SOX6: variants seen among roughly 807,000 people sequenced by gnomAD.
The protein encoded by SOX6 is transcription factor SOX-6.
Under a neutral mutation model 97.8 loss-of-function variants are expected in SOX6, and 11 were observed. The observed-to-expected ratio is 0.11, with a 90% CI of 0.07 to 0.19. The LOEUF is 0.19. SOX6 is among the 10% of genes least tolerant of loss of function. SOX6 has a pLI of 1.00. For missense variants in SOX6, 810 were observed against 1,039.5 expected, an observed-to-expected ratio of 0.78 and a Z score of 3.04; for synonymous variants, 360 against 371.4, an observed-to-expected ratio of 0.97 and a Z score of 0.35.
At chr11:16,198,863 G>A (rs1201351345) in intron 4 of SOX6, among the ~76,000 whole-genome samples, 8 of 152,172 alleles carry the variant, frequency 5.3e-5, no homozygotes, top group Non-Finnish European at 4.4e-5. Context: ...AATTAGGTAA[G>A]AATCTACTCT....
At chr11:16,354,246 G>T (rs1363597964) in intron 1 of SOX6, among the ~76,000 whole-genome samples, 1 of 151,898 alleles carries the variant, frequency 6.6e-6, no homozygotes, top group Non-Finnish European at 1.5e-5. Context: ...CAAATACCTG[G>T]TATTTGGTAG....
At chr11:16,561,964 C>G (rs529238165) in intron 4 of SOX6, among the ~76,000 whole-genome samples, 1 of 152,034 alleles carries the variant, frequency 6.6e-6, no homozygotes, top group East Asian at 1.9e-4. Flanking sequence ...TGACCTCAAA[C>G]TATCCACCCG....
At chr11:16,614,310 A>G (rs552407314) in intron 3 of SOX6, among the ~76,000 whole-genome samples, 24 of 152,256 alleles carry the variant, frequency 1.6e-4, no homozygotes, top group African/African-American at 5.8e-4. Context: ...CCTTCGGAAC[A>G]GTAGACAAAG....
chr11:16,328,269 T>C (rs1043262015), intron 2 of SOX6, among the ~76,000 whole-genome samples: 39 of 152,292 alleles, frequency 2.6e-4, no homozygotes, highest in Non-Finnish European at 4.7e-4. Context: ...GTATATATTC[T>C]CCTTCATTAA....
At chr11:15,993,363 T>G (rs1001355290) in intron 13 of SOX6, among the ~76,000 whole-genome samples, 1 of 152,190 alleles carries the variant, frequency 6.6e-6, no homozygotes, top group Non-Finnish European at 1.5e-5. Flanking sequence ...AATCCAGAAC[T>G]TGGAATGGCT....
chr11:16,225,488 A>AC (rs1444392317), intron 4 of SOX6, among the ~76,000 whole-genome samples: 1 of 151,938 alleles, frequency 6.6e-6, no homozygotes, highest in African/African-American at 2.4e-5. Flanking sequence ...CAAAAAAAAA[A>AC]AAAAAACAGA....
At chr11:16,001,460 T>C (rs933120941) in intron 13 of SOX6, among the ~76,000 whole-genome samples, 1 of 152,156 alleles carries the variant, frequency 6.6e-6, no homozygotes, top group Non-Finnish European at 1.5e-5. Context: ...GCTGGTAATA[T>C]GAAGCAGAGC....
At chr11:16,055,509 G>T (rs533065967) in intron 10 of SOX6, among the ~76,000 whole-genome samples, 42 of 152,214 alleles carry the variant, frequency 2.8e-4, no homozygotes, top group African/African-American at 9.9e-4. Context: ...AGAATCCAAA[G>T]GGGGAAAACT....
At chr11:16,582,263 T>C (rs1192817340) in intron 4 of SOX6, among the ~76,000 whole-genome samples, 1 of 152,170 alleles carries the variant, frequency 6.6e-6, no homozygotes, top group Non-Finnish European at 1.5e-5. Context: ...CATCACACAA[T>C]CTATCTTCAT....
chr11:16,692,616 G>C (rs1202518780), intron 3 of SOX6, among the ~76,000 whole-genome samples: 2 of 152,240 alleles, frequency 1.3e-5, no homozygotes, highest in Non-Finnish European at 2.9e-5. Context: ...CTTGGAGTCT[G>C]AAAAATCACT....
upstream of SOX6, among the ~76,000 whole-genome samples, chr11:16,476,732 T>C (rs1590217641): frequency 1.3e-5 from 2 of 152,350 alleles, no homozygotes; most frequent in Admixed American, 1.3e-4. Context: ...ATTTAATTTA[T>C]GTCTGCAAGT....
chr11:16,427,126 G>A (rs925969528), intron 1 of SOX6, among the ~76,000 whole-genome samples: 2 of 151,846 alleles, frequency 1.3e-5, no homozygotes, highest in Non-Finnish European at 2.9e-5. Context: ...TGACAAATGG[G>A]ATCTAATTAA....
chr11:16,257,878 T>TA (rs1239835801), intron 3 of SOX6, among the ~76,000 whole-genome samples: 5 of 151,392 alleles, frequency 3.3e-5, no homozygotes, highest in Non-Finnish European at 7.4e-5. Context: ...ACAATCCAAT[T>TA]AAAAAATGGT....
chr11:16,632,939 C>G (rs1458993407), intron 3 of SOX6, among the ~76,000 whole-genome samples: 1 of 152,172 alleles, frequency 6.6e-6, no homozygotes, highest in Non-Finnish European at 1.5e-5. Context: ...TTCCCTGCAC[C>G]AGGATCTCTG....
At chr11:16,360,860 G>A (rs758240232), upstream of SOX6, among the ~76,000 whole-genome samples, 8 of 151,836 alleles carry the variant, frequency 5.3e-5, no homozygotes, top group Non-Finnish European at 1.0e-4. Flanking sequence ...AAAGTTGGCC[G>A]GGCATGGTGG....
Position 16,727,062 on chromosome 11 carries a change from G to T in SOX6, n.353+9277C>A, listed in dbSNP as rs115083407. Among the ~76,000 whole-genome samples the T allele has an allele frequency of 6.9e-3, 1,057 of 152,120 alleles. 14 individuals carry two copies. The highest frequency in any genetic ancestry group is 0.023 in the African/African-American group (955 of 41,486). ...GTTAAATTTTTAGTTAATATATTCAGATAATTCAAAGTTCAAAAGACAGAA... is the reference window on the plus strand; with the variant it reads ...GTTAAATTTTTAGTTAATATATTCATATAATTCAAAGTTCAAAAGACAGAA... On this transcript the variant is annotated intron_variant and non_coding_transcript_variant, in intron 2 of 5. Transcript: ENST00000524520.
At chr11:16,466,949 A>AG (rs1183419859) in intron 1 of SOX6, among the ~76,000 whole-genome samples, 1 of 150,750 alleles carries the variant, frequency 6.6e-6, no homozygotes, top group African/African-American at 2.4e-5. Flanking sequence ...AAAAAAAAAA[A>AG]AAAAACAACT....
intron 3 of SOX6, among the ~76,000 whole-genome samples, chr11:16,289,549 G>A (rs770599157): frequency 1.3e-5 from 2 of 151,936 alleles, no homozygotes; most frequent in African/African-American, 4.8e-5. Context: ...AAATGAACAC[G>A]TCAGATTAGA....
At chr11:16,191,976 C>T (rs1851644992) in intron 4 of SOX6, among the ~76,000 whole-genome samples, 1 of 151,826 alleles carries the variant, frequency 6.6e-6, no homozygotes, top group South Asian at 2.1e-4. Context: ...CCTGCTCCAG[C>T]TGAAGTATTT....
Sources: allele counts gnomAD v4.1 joint callset (sites outside exome capture counted in the v4.1 genomes callset), GRCh38; gene constraint gnomAD v4.1.1; transcripts MANE v1.5; gene names NCBI Gene and HGNC (gene_info 2026-07-23, HGNC 2026-07-21).